Variants in EPS15 observed in about 807,000 individuals in gnomAD.
EPS15 encodes the protein epidermal growth factor receptor substrate 15.
Under a neutral mutation model 113.8 loss-of-function variants are expected in EPS15, and 72 were observed. That is an observed-to-expected ratio of 0.63 (90% CI 0.52 to 0.77). EPS15 has a LOEUF of 0.77. Among genes scored for constraint, EPS15 ranks in the 30% least tolerant of loss-of-function variants. The probability of loss-of-function intolerance (pLI) is 0.00; values close to 1 mark genes in which losing one functional copy is unlikely to be tolerated. For missense variants in EPS15, 1,048 were observed against 1,045.8 expected (o/e 1.00, Z -0.03); for synonymous variants, 344 against 363.4 (o/e 0.95, Z 0.61).
At chr1:51,457,006 C>A (rs1032029880) in intron 8 of EPS15, among the ~76,000 whole-genome samples, 1 of 152,022 alleles carries the variant, frequency 6.6e-6, no homozygotes, top group African/African-American at 2.4e-5. Flanking sequence ...TGAGGGGGGG[C>A]CAGGCACAGT....
At chr1:51,510,259 TCA>T (rs1205761653) in intron 1 of EPS15, among the ~76,000 whole-genome samples, 1 of 152,130 alleles carries the variant, frequency 6.6e-6, no homozygotes, top group East Asian at 1.9e-4. Context: ...GAATGTAAGA[TCA>T]CATGAATGTT....
intron 21 of EPS15, among the ~76,000 whole-genome samples, chr1:51,373,455 A>G (rs1401757832): frequency 1.3e-5 from 2 of 152,212 alleles, no homozygotes; most frequent in African/African-American, 2.4e-5. Context: ...AGAATTCAAC[A>G]TAACATTTTT....
intron 20 of EPS15, among the ~76,000 whole-genome samples, chr1:51,398,540 G>A (rs1198622693): frequency 6.6e-6 from 1 of 152,190 alleles, no homozygotes; most frequent in Non-Finnish European, 1.5e-5. Context: ...CAGGCATGTG[G>A]TTATTAAACA....
intron 12 of EPS15, among the ~76,000 whole-genome samples, chr1:51,422,645 T>C (rs1259190833): frequency 6.6e-6 from 1 of 152,262 alleles, no homozygotes; most frequent in African/African-American, 2.4e-5. Flanking sequence ...AGATTCAGAA[T>C]TGCAAAATAA....
At chr1:51,415,115 A>G (rs1048915206) in intron 13 of EPS15, among the ~76,000 whole-genome samples, 18 of 152,200 alleles carry the variant, frequency 1.2e-4, no homozygotes, top group African/African-American at 3.9e-4. Flanking sequence ...AGAACTACCA[A>G]TAATAGAATC....
chr1:51,513,612 A>T (rs1368433838), intron 1 of EPS15, among the ~76,000 whole-genome samples: 1 of 152,158 alleles, frequency 6.6e-6, no homozygotes, highest in East Asian at 1.9e-4. Flanking sequence ...CATTGTATGA[A>T]TTTTTTTAAC....
intron 21 of EPS15, among the ~76,000 whole-genome samples, chr1:51,392,308 G>A (rs1270806863): frequency 1.3e-5 from 2 of 152,194 alleles, no homozygotes; most frequent in East Asian, 1.9e-4. Flanking sequence ...GTTGTTGTGA[G>A]AATTAAATGG....
chr1:51,450,519 T>C (rs758084317), intron 8 of EPS15, among the ~76,000 whole-genome samples: 23 of 151,862 alleles, frequency 1.5e-4, no homozygotes, highest in South Asian at 6.2e-4. Flanking sequence ...CTTCCATGTA[T>C]ATATGAAATA....
intron 8 of EPS15, among the ~76,000 whole-genome samples, chr1:51,451,402 AATTG>A (rs1272987024): frequency 6.6e-6 from 1 of 150,434 alleles, no homozygotes; most frequent in Non-Finnish European, 1.5e-5. Context: ...GGGGCAGGAG[AATTG>A]ATTGACCTTG....
At chr1:51,410,222 C>T (rs1649573381) in intron 13 of EPS15, among the ~76,000 whole-genome samples, 1 of 150,160 alleles carries the variant, frequency 6.7e-6, no homozygotes. Flanking sequence ...GAGTGAAACT[C>T]CATCTCAAAA....
chr1:51,357,391 A>AAATAT (rs1491245303), intron 24 of EPS15, among the ~76,000 whole-genome samples: 8 of 65,728 alleles, frequency 1.2e-4, no homozygotes, highest in Non-Finnish European at 2.1e-4. Flanking sequence ...AAAAAAAAAA[A>AAATAT]ATATATATAT....
chr1:51,483,889 T>C (rs1644071164), intron 1 of EPS15, among the ~76,000 whole-genome samples: 1 of 151,620 alleles, frequency 6.6e-6, no homozygotes, highest in Non-Finnish European at 1.5e-5. Flanking sequence ...TGGGGGAGGA[T>C]TGCTTCAATC....
chr1:51,366,266 C>T (rs986275948), intron 21 of EPS15, among the ~76,000 whole-genome samples: 1 of 152,068 alleles, frequency 6.6e-6, no homozygotes, highest in Admixed American at 6.5e-5. Flanking sequence ...TGGGGTTTTG[C>T]CATGTTGTCC....
At chr1:51,518,938 G>A (rs1644785350) in intron 1 of EPS15, among the ~76,000 whole-genome samples, 1 of 151,354 alleles carries the variant, frequency 6.6e-6, no homozygotes. Flanking sequence ...GCAGCGGCGC[G>A]GAGGGCGGCG....
intron 13 of EPS15, among the ~76,000 whole-genome samples, 193 bp downstream of exon 13, chr1:51,421,593 T>C (rs916549156): frequency 6.6e-6 from 1 of 152,176 alleles, no homozygotes; most frequent in Non-Finnish European, 1.5e-5. Context: ...TGCTTTCTCA[T>C]TGCAGTATAA....
At chr1:51,491,726 T>C (rs559587752) in intron 1 of EPS15, among the ~76,000 whole-genome samples, 1 of 151,968 alleles carries the variant, frequency 6.6e-6, no homozygotes, top group South Asian at 2.1e-4. Context: ...GAAAGGCAAA[T>C]CACCTGGGCA....
intron 21 of EPS15, among the ~76,000 whole-genome samples, chr1:51,366,874 T>C (rs957691945): frequency 1.3e-5 from 2 of 152,216 alleles, no homozygotes; most frequent in African/African-American, 2.4e-5. Flanking sequence ...TTACCTGTAA[T>C]TGATCACCTT....
chr1:51,435,580 T>C (rs1169298771), intron 12 of EPS15, among the ~76,000 whole-genome samples: 1 of 152,212 alleles, frequency 6.6e-6, no homozygotes, highest in Non-Finnish European at 1.5e-5. Context: ...GCTTCTATTC[T>C]GCCATAAACT....
At chr1:51,423,791 A>G in intron 12 of EPS15, 1 of 894,082 alleles carries the variant, frequency 1.1e-6, no homozygotes. Flanking sequence ...ATGGGAGAGC[A>G]AAGGAAGGAA....
Sources: allele counts gnomAD v4.1 joint callset (sites outside exome capture counted in the v4.1 genomes callset), GRCh38; gene constraint gnomAD v4.1.1; transcripts MANE v1.5; gene names NCBI Gene and HGNC (gene_info 2026-07-23, HGNC 2026-07-21).